The following COBLL1 variants were observed in gnomAD, a reference collection of about 807,000 sequenced individuals.
COBLL1 encodes cordon-bleu WH2 repeat protein like 1, also known as cordon-bleu protein-like 1.
A neutral mutation model predicts 94.8 loss-of-function variants in COBLL1; 50 were observed. The observed-to-expected ratio is 0.53, with a 90% CI of 0.42 to 0.67. COBLL1 has a LOEUF of 0.67. Among genes scored for constraint, COBLL1 ranks in the 30% least tolerant of loss-of-function variants. The pLI is 0.00. For synonymous variants in COBLL1, 448 were observed against 473.8 expected, an observed-to-expected ratio of 0.95 and a Z score of 0.71; for missense variants, 1,362 against 1,348.7, an observed-to-expected ratio of 1.01 and a Z score of -0.15.
intron 3 of COBLL1, among the ~76,000 whole-genome samples, chr2:164,740,022 A>C (rs1342617986): frequency 6.6e-6 from 1 of 152,218 alleles, no homozygotes; most frequent in African/African-American, 2.4e-5. Flanking sequence ...CACACTCCTA[A>C]GATATTCAGA....
chr2:164,711,662 G>A (rs1037070055), intron 7 of COBLL1, among the ~76,000 whole-genome samples: 2 of 152,102 alleles, frequency 1.3e-5, no homozygotes, highest in African/African-American at 4.8e-5. Flanking sequence ...TGTCTCATAA[G>A]CAAATTTAAT....
At chr2:164,692,975 A>G (rs1304307312) in intron 12 of COBLL1, among the ~76,000 whole-genome samples, 1 of 152,174 alleles carries the variant, frequency 6.6e-6, no homozygotes, top group Non-Finnish European at 1.5e-5. Context: ...GAGAATCAAT[A>G]TAAAAAATTA....
At chr2:164,686,597 GTTT>G (rs572839437) in intron 13 of COBLL1, among the ~76,000 whole-genome samples, 2 of 144,482 alleles carry the variant, frequency 1.4e-5, no homozygotes, top group Non-Finnish European at 3.1e-5. Context: ...CTGAAAAGGA[GTTT>G]TTTTTTTTTC....
intron 3 of COBLL1, among the ~76,000 whole-genome samples, chr2:164,731,280 T>C (rs554053399): frequency 6.6e-5 from 10 of 152,144 alleles, no homozygotes; most frequent in Admixed American, 2.6e-4. Context: ...ATAAAGTAAA[T>C]GCATGAGATA....
chr2:164,680,002 T>C (rs970839085), downstream of COBLL1, among the ~76,000 whole-genome samples: 21 of 152,060 alleles, frequency 1.4e-4, no homozygotes, highest in African/African-American at 4.8e-4. Flanking sequence ...TGGTGTTTTT[T>C]AGTTAAAACT....
At position 164,705,383 on chromosome 2, in the gene COBLL1, G is replaced by A. The variant is rs185133518; in HGVS notation, c.997-278C>T. 104 of 265,686 alleles carry A rather than the reference G, an allele frequency of 3.9e-4. No homozygotes were observed. The East Asian group carries it at 5.5e-3, about 14-fold the overall frequency. The allele number at this position is 265,686 out of a possible 1,614,324, so 16.5% of individuals were successfully genotyped here. ...TAATGTAGAGGACTCATAAGTAACA[G>A]AGTTAAAACCTAACTTTTAAAGAAA... On this transcript the variant is annotated intron_variant, in intron 7 of 13. Transcript: ENST00000652658.
chr2:164,747,708 T>C (rs12616168), intron 2 of COBLL1, among the ~76,000 whole-genome samples: 6,516 of 152,112 alleles, frequency 0.043, 148 homozygotes, highest in East Asian at 0.07. Context: ...ACTCCTGACT[T>C]AAGCAATCCT....
intron 3 of COBLL1, among the ~76,000 whole-genome samples, chr2:164,732,308 C>T (rs13388969): frequency 0.021 from 3,228 of 152,218 alleles, 68 homozygotes; most frequent in African/African-American, 0.056. Flanking sequence ...ACAGGCTATG[C>T]CCATAAATGT....
In COBLL1 at chr2:164,682,597, C is replaced by T. The variant is rs975700953; in HGVS notation, c.*3349G>A. 1.3e-5 allele frequency: 2 copies of T among 152,100 alleles called. No homozygotes were observed. The highest frequency in any genetic ancestry group is 4.8e-5 in the African/African-American group (2 of 41,422). 9.4% of individuals were successfully genotyped at this position (152,100 alleles called of 1,614,324 possible). Reference sequence around the variant, plus strand: ...CTGGCAGTTCATGAAGAGGTGAAATCGGAAGAAGGGTCACTCCTCAAAGAA... The same window carrying T: ...CTGGCAGTTCATGAAGAGGTGAAATTGGAAGAAGGGTCACTCCTCAAAGAA... On this transcript the variant is annotated 3_prime_UTR_variant, in exon 14 of 14. Coordinates refer to ENST00000652658, the MANE Select transcript of COBLL1 (RefSeq NM_001365672.2).
chr2:164,725,135 A>ATATATATATATATATATATATGT (rs1558956204), intron 5 of COBLL1: 2 of 57,194 alleles, frequency 3.5e-5, no homozygotes, highest in African/African-American at 1.6e-4. Context: ...TATATATATA[A>ATATATATATATATATATATATGT]AATGAAAGCA....
upstream of COBLL1, chr2:164,841,973 G>T: frequency 6.5e-7 from 1 of 1,539,392 alleles, no homozygotes; most frequent in Non-Finnish European, 8.7e-7. This position sits in a 1 kb window ranked among gnomAD's most constrained non-coding sequence, Gnocchi z 5.5. Context: ...CCATTTCCCT[G>T]CCCGGAGTCC....
intron 5 of COBLL1, among the ~76,000 whole-genome samples, chr2:164,725,817 T>C (rs1260720454): frequency 1.3e-5 from 2 of 152,202 alleles, no homozygotes; most frequent in Non-Finnish European, 2.9e-5. Context: ...TCAGGGATCA[T>C]AGCAAGTCAG....
intron 2 of COBLL1, among the ~76,000 whole-genome samples, chr2:164,782,635 T>C (rs1688771038): frequency 6.6e-6 from 1 of 152,192 alleles, no homozygotes; most frequent in Non-Finnish European, 1.5e-5. Context: ...TAACTGTTAC[T>C]GTGTCTTACA....
chr2:164,781,436 G>A (rs922910301), intron 2 of COBLL1, among the ~76,000 whole-genome samples: 3 of 152,186 alleles, frequency 2.0e-5, no homozygotes, highest in African/African-American at 7.2e-5. Context: ...GAATACTTTG[G>A]TATCATCATG....
chr2:164,832,872 C>T (rs545128608), intron 2 of COBLL1, among the ~76,000 whole-genome samples: 1 of 151,912 alleles, frequency 6.6e-6, no homozygotes, highest in Non-Finnish European at 1.5e-5. Flanking sequence ...GGAGAAACCC[C>T]GTCTCTACTA....
At chr2:164,738,176 T>G (rs1296058762) in intron 3 of COBLL1, 3 of 152,192 alleles carry the variant, frequency 2.0e-5, no homozygotes, top group African/African-American at 7.2e-5. Flanking sequence ...TCTTCCTCCC[T>G]CTTGTAGGAA....
intron 2 of COBLL1, among the ~76,000 whole-genome samples, chr2:164,788,066 G>C (rs990335901): frequency 2.0e-5 from 3 of 152,074 alleles, no homozygotes; most frequent in Non-Finnish European, 2.9e-5. Flanking sequence ...TGACTAGATG[G>C]GATTGATTCC....
intron 9 of COBLL1, chr2:164,703,295 T>G (rs1047852090): frequency 1.1e-6 from 1 of 885,724 alleles, no homozygotes; most frequent in Non-Finnish European, 1.8e-6. Context: ...AAGAAGCATT[T>G]TGGAAGAAAT....
chr2:164,665,464 T>TA (rs1303688011), intron 2 of COBLL1, among the ~76,000 whole-genome samples: 96 of 141,732 alleles, frequency 6.8e-4, no homozygotes, highest in Admixed American at 2.0e-3. Flanking sequence ...TACTGTAGTT[T>TA]AAAAAAAAAA....
Sources: allele counts gnomAD v4.1 joint callset (sites outside exome capture counted in the v4.1 genomes callset), GRCh38; gene constraint gnomAD v4.1.1; non-coding constraint Gnocchi (gnomAD v3.1); transcripts MANE v1.5; gene names NCBI Gene and HGNC (gene_info 2026-07-23, HGNC 2026-07-21).